NRG3: variants seen among roughly 807,000 people sequenced by gnomAD.
NRG3 encodes pro-neuregulin-3, membrane-bound isoform.
Under a neutral mutation model 66.9 loss-of-function variants are expected in NRG3, and 31 were observed. That is an observed-to-expected ratio of 0.46 (90% CI 0.35 to 0.63). The LOEUF (loss-of-function observed/expected upper bound fraction) is 0.63. Ranked by LOEUF, NRG3 falls within the 20% of genes least tolerant of loss-of-function variation. NRG3 has a pLI of 0.00. For missense variants in NRG3, 910 were observed against 878.9 expected (o/e 1.04, Z -0.45); for synonymous variants, 393 against 359.4 (o/e 1.09, Z -1.06).
chr10:82,670,822 G>C (rs1204272382), intron 2 of NRG3, among the ~76,000 whole-genome samples: 2 of 152,164 alleles, frequency 1.3e-5, no homozygotes, highest in African/African-American at 4.8e-5. Context: ...CTCCTTTTGT[G>C]TTCTTTTTAG....
chr10:82,352,072 C>A lies in NRG3; in HGVS notation c.824-6667C>A, dbSNP rs566959467. On this transcript the variant is annotated intron_variant, in intron 1 of 8. Transcript: ENST00000372141. ...ATGGATATATTGAAAATCTCATCTA[C>A]AATAGTTAAAAGTCCATAATTTAGG... is the stretch of plus-strand genomic sequence containing the variant. Among the ~76,000 whole-genome samples the A allele has an allele frequency of 3.9e-5, 6 of 152,274 alleles. No individual in the cohort carries two copies. In the South Asian group the frequency reaches 1.2e-3, roughly 32 times the overall value.
rs560314698 is a variant in NRG3 at position 82,861,680 on chromosome 10, C to T, written c.1028-3731C>T. On this transcript the variant is annotated intron_variant, in intron 3 of 8. Coordinates refer to ENST00000372141, the MANE Select transcript of NRG3 (RefSeq NM_001010848.4). The stretch of plus-strand genomic sequence containing the variant: ...GCCTGAGTTGCACCTGCCAGCAAAA[C>T]AGATGACAGGCAGCCAATTCTGAGC... 4.6e-5 allele frequency among the ~76,000 whole-genome samples: 7 copies of T among 152,302 alleles called. No homozygotes were observed. In the South Asian group the frequency reaches 1.2e-3, roughly 27 times the overall value.
chr10:82,021,489 T>C (rs902574094), intron 1 of NRG3, among the ~76,000 whole-genome samples: 1 of 152,006 alleles, frequency 6.6e-6, no homozygotes. Flanking sequence ...TTAGACAAAA[T>C]GTTTAACAGG....
At chr10:81,881,878 C>G (rs1027394890) in intron 1 of NRG3, among the ~76,000 whole-genome samples, 1 of 151,806 alleles carries the variant, frequency 6.6e-6, no homozygotes, top group Non-Finnish European at 1.5e-5. Flanking sequence ...CGAAGGAATC[C>G]GTATGCAGAT....
chr10:82,900,520 T>A (rs751519739), intron 4 of NRG3, among the ~76,000 whole-genome samples: 7 of 152,164 alleles, frequency 4.6e-5, no homozygotes, highest in Non-Finnish European at 8.8e-5. Context: ...TAAACTAATA[T>A]AGGTATAGGA....
At chr10:82,363,149 AG>A (rs1275982657) in intron 2 of NRG3, among the ~76,000 whole-genome samples, 1 of 152,164 alleles carries the variant, frequency 6.6e-6, no homozygotes, top group African/African-American at 2.4e-5. Context: ...TGTAGATCAA[AG>A]GGTAACATTA....
At chr10:82,554,865 A>C (rs1443925202) in intron 2 of NRG3, among the ~76,000 whole-genome samples, 2 of 152,194 alleles carry the variant, frequency 1.3e-5, no homozygotes, top group Non-Finnish European at 2.9e-5. Flanking sequence ...TTTCTATGTG[A>C]AAAGAGCAGT....
At chr10:82,798,980 G>T (rs900149064) in intron 3 of NRG3, among the ~76,000 whole-genome samples, 1 of 152,090 alleles carries the variant, frequency 6.6e-6, no homozygotes, top group Non-Finnish European at 1.5e-5. Flanking sequence ...GATACTCAAG[G>T]TTCATAGGAT....
intron 2 of NRG3, among the ~76,000 whole-genome samples, chr10:82,595,791 A>G (rs1024419748): frequency 5.6e-4 from 85 of 152,220 alleles, no homozygotes; most frequent in African/African-American, 2.0e-3. Flanking sequence ...CTCAAAAAAA[A>G]AAAAATAGAT....
intron 4 of NRG3, among the ~76,000 whole-genome samples, chr10:82,947,155 G>A (rs1849103881): frequency 6.6e-6 from 1 of 152,048 alleles, no homozygotes; most frequent in African/African-American, 2.4e-5. Context: ...CATGTTTTAT[G>A]TTATTATAGT....
At chr10:82,560,538 C>A (rs544346039) in intron 2 of NRG3, among the ~76,000 whole-genome samples, 2 of 150,976 alleles carry the variant, frequency 1.3e-5, no homozygotes, top group Non-Finnish European at 3.0e-5. Context: ...AATTTGATTG[C>A]TTCTTTAATT....
At chr10:82,174,655 A>G (rs1264042783) in intron 1 of NRG3, among the ~76,000 whole-genome samples, 2 of 152,022 alleles carry the variant, frequency 1.3e-5, no homozygotes, top group Non-Finnish European at 2.9e-5. Flanking sequence ...TTTTCAATAT[A>G]TCAGTTCTCC....
chr10:82,545,526 C>G (rs2043838732), intron 2 of NRG3, among the ~76,000 whole-genome samples: 1 of 151,452 alleles, frequency 6.6e-6, no homozygotes, highest in African/African-American at 2.4e-5. Context: ...CTATAGGCAC[C>G]CGCCACCACG....
chr10:82,012,451 A>C (rs776551272), intron 1 of NRG3, among the ~76,000 whole-genome samples: 3 of 152,210 alleles, frequency 2.0e-5, no homozygotes, highest in Admixed American at 2.0e-4. Context: ...CTTGACAATT[A>C]ACATTTGGCT....
At chr10:82,545,889 G>A (rs553035306) in intron 2 of NRG3, among the ~76,000 whole-genome samples, 1 of 140,648 alleles carries the variant, frequency 7.1e-6, no homozygotes, top group Non-Finnish European at 1.5e-5. Context: ...CCGGGTTCAC[G>A]CCATTCTCCT....
intron 1 of NRG3, among the ~76,000 whole-genome samples, chr10:82,324,472 G>A (rs2081754404): frequency 6.6e-6 from 1 of 151,648 alleles, no homozygotes; most frequent in Non-Finnish European, 1.5e-5. Flanking sequence ...TGTTTCATTT[G>A]ATTTTCCTTG....
chr10:82,399,692 G>A (rs964098238), intron 2 of NRG3, among the ~76,000 whole-genome samples: 4 of 152,084 alleles, frequency 2.6e-5, no homozygotes, highest in East Asian at 1.9e-4. Flanking sequence ...CAAAAGCTTC[G>A]CCTCTTAGTA....
chr10:82,371,136 A>G (rs1456273879), intron 2 of NRG3, among the ~76,000 whole-genome samples: 1 of 152,140 alleles, frequency 6.6e-6, no homozygotes, highest in Non-Finnish European at 1.5e-5. Flanking sequence ...AGGGAACACA[A>G]TGGGCAGATT....
chr10:82,215,482 A>G (rs2075617471), intron 1 of NRG3, among the ~76,000 whole-genome samples: 1 of 152,154 alleles, frequency 6.6e-6, no homozygotes. Context: ...TCAATGCTAC[A>G]AGTCTGATTA....
Sources: gnomAD v4.1 joint callset for allele counts (sites outside exome capture counted in the v4.1 genomes callset) on GRCh38, gnomAD v4.1.1 for gene constraint, MANE v1.5 for transcripts, NCBI Gene and HGNC (gene_info 2026-07-23, HGNC 2026-07-21) for gene names.